The following FTCDNL1 variants were observed in gnomAD, a reference collection of about 807,000 sequenced individuals.
FTCDNL1 encodes the protein formiminotransferase cyclodeaminase N-terminal like, also known as formiminotransferase N-terminal subdomain-containing protein.
A neutral mutation model predicts 5.9 loss-of-function variants in FTCDNL1; 11 were observed. That is an observed-to-expected ratio of 1.87 (90% CI 1.18 to 3.10). The LOEUF is 3.10. Ranked by LOEUF, FTCDNL1 falls within the 30% of genes most tolerant of loss-of-function variation. FTCDNL1 has a pLI of 0.00. For synonymous variants in FTCDNL1, 58 were observed against 24.8 expected (o/e 2.34, Z -3.99); for missense variants, 115 against 65.5 (o/e 1.76, Z -2.61).
At chr2:199,737,982 T>G in the FTCDNL1 span, among the ~76,000 whole-genome samples, 2 of 152,230 alleles carry the variant, frequency 1.3e-5, no homozygotes, top group Non-Finnish European at 2.9e-5. Context: ...TGACCACAGC[T>G]GCCTCACGGC....
chr2:199,801,877 G>A (rs1307772380), intron 3 of FTCDNL1, among the ~76,000 whole-genome samples: 1 of 151,156 alleles, frequency 6.6e-6, no homozygotes, highest in Non-Finnish European at 1.5e-5. Context: ...GGCGGAGCTT[G>A]CAGTGAGCCG....
At chr2:199,705,776 C>A in the FTCDNL1 span, among the ~76,000 whole-genome samples, 1 of 152,112 alleles carries the variant, frequency 6.6e-6, no homozygotes, top group Non-Finnish European at 1.5e-5. Flanking sequence ...GAAGCAGATG[C>A]CAAGATGAGA....
At chr2:199,720,145 A>C in the FTCDNL1 span, among the ~76,000 whole-genome samples, 5 of 152,318 alleles carry the variant, frequency 3.3e-5, no homozygotes, top group African/African-American at 1.2e-4. Flanking sequence ...TTTTCTAGGC[A>C]TATGATCATA....
At chr2:199,829,564 A>T (rs1338408093) in intron 3 of FTCDNL1, among the ~76,000 whole-genome samples, 1 of 152,208 alleles carries the variant, frequency 6.6e-6, no homozygotes, top group African/African-American at 2.4e-5. Flanking sequence ...AATTGTGGCT[A>T]AAATGTAGTA....
chr2:199,844,516 A>G (rs1459628932), intron 3 of FTCDNL1: 7 of 632,466 alleles, frequency 1.1e-5, no homozygotes, highest in African/African-American at 1.8e-5. Context: ...CTAGGCAGGC[A>G]GCCAGAACAG....
At chr2:199,847,958 T>A (rs182206951) in intron 2 of FTCDNL1, among the ~76,000 whole-genome samples, 1 of 152,208 alleles carries the variant, frequency 6.6e-6, no homozygotes, top group Non-Finnish European at 1.5e-5. Context: ...ACAGTTAAGA[T>A]GGGTTGGGGG....
chr2:199,822,050 T>C (rs939590519), intron 3 of FTCDNL1, among the ~76,000 whole-genome samples: 1 of 152,210 alleles, frequency 6.6e-6, no homozygotes. Flanking sequence ...TATACTGTAA[T>C]CTCTTAAGTG....
Position 199,831,980 on chromosome 2 carries a change from T to C in FTCDNL1, c.212-12223A>G, listed in dbSNP as rs1702401395. ...AGAAAAATAATGTGCCCTCAAACTCTTAAAATAACATACAATTTCATGGAG... is the reference window on the plus strand; with the variant it reads ...AGAAAAATAATGTGCCCTCAAACTCCTAAAATAACATACAATTTCATGGAG... On this transcript the variant is annotated intron_variant, in intron 3 of 4. Coordinates refer to ENST00000420128, the MANE Select transcript of FTCDNL1 (RefSeq NM_001363886.2). Among the ~76,000 whole-genome samples the C allele has an allele frequency of 2.6e-5, 4 of 152,128 alleles. No homozygotes were observed. The South Asian group carries it at 8.3e-4, about 31-fold the overall frequency.
chr2:199,811,008 C>T lies in FTCDNL1; in HGVS notation c.*1697G>A, dbSNP rs946914716. 3.3e-5 allele frequency among the ~76,000 whole-genome samples: 5 copies of T among 152,134 alleles called. No homozygotes were observed. Among genetic ancestry groups the T allele is most frequent in the Non-Finnish European group, 5.9e-5 (4 of 68,022 alleles). On this transcript the variant is annotated 3_prime_UTR_variant, in exon 5 of 5. Coordinates refer to ENST00000420128, the MANE Select transcript of FTCDNL1 (RefSeq NM_001363886.2). ...AGATGTTTTACAGAAAATCAGCACA[C>T]GGAAACCACATTTCATCTTTTTCCC... is the stretch of plus-strand genomic sequence containing the variant.
At chr2:199,806,881 T>C (rs1288140399), downstream of FTCDNL1, among the ~76,000 whole-genome samples, 2 of 152,220 alleles carry the variant, frequency 1.3e-5, no homozygotes, top group Non-Finnish European at 2.9e-5. Context: ...ACAAAGGGGC[T>C]GATAGAAAGT....
chr2:199,680,115 TA>T, the FTCDNL1 span, among the ~76,000 whole-genome samples: 5 of 152,154 alleles, frequency 3.3e-5, no homozygotes, highest in South Asian at 1.0e-3. Context: ...AGATGACATT[TA>T]ACAATGAAGC....
the FTCDNL1 span, among the ~76,000 whole-genome samples, chr2:199,752,740 CTGTG>C: frequency 0.01 from 322 of 30,674 alleles, 1 homozygote; most frequent in South Asian, 0.058. Context: ...CTCTCTCTCT[CTGTG>C]TGTGTGTGTG....
chr2:199,773,954 G>T (rs1698936764), intron 3 of FTCDNL1, among the ~76,000 whole-genome samples: 1 of 152,198 alleles, frequency 6.6e-6, no homozygotes, highest in Non-Finnish European at 1.5e-5. Flanking sequence ...TCTCAGTGAT[G>T]CTGGTCCCTG....
chr2:199,788,481 T>C (rs1192634262), intron 3 of FTCDNL1, among the ~76,000 whole-genome samples: 1 of 152,062 alleles, frequency 6.6e-6, no homozygotes, highest in East Asian at 1.9e-4. Flanking sequence ...CTGAAGTAAA[T>C]CCCGAGAATA....
chr2:199,685,773 G>A, the FTCDNL1 span, among the ~76,000 whole-genome samples: 6 of 152,154 alleles, frequency 3.9e-5, no homozygotes, highest in Non-Finnish European at 7.4e-5. Flanking sequence ...CCCCACAAAT[G>A]TGAAAGTGAC....
chr2:199,762,713 A>T lies in FTCDNL1; in HGVS notation c.212-1878T>A, dbSNP rs114863114. Reference sequence around the variant, plus strand: ...TCTGACTTTCAGGTGCCTTATCTGTACAACGGCAATAAGAAACTAATCTGC... The same window carrying T: ...TCTGACTTTCAGGTGCCTTATCTGTTCAACGGCAATAAGAAACTAATCTGC... On this transcript the variant is annotated intron_variant, in intron 3 of 3. Transcript: ENST00000416668. 5.1e-3 allele frequency among the ~76,000 whole-genome samples: 776 copies of T among 152,314 alleles called. 5 individuals carry two copies. Among genetic ancestry groups the T allele is most frequent in the African/African-American group, 0.016 (684 of 41,552 alleles).
the FTCDNL1 span, among the ~76,000 whole-genome samples, chr2:199,750,585 C>T: frequency 6.6e-6 from 1 of 152,120 alleles, no homozygotes; most frequent in Non-Finnish European, 1.5e-5. Context: ...AATATTGATG[C>T]TCTGCAGCTT....
the FTCDNL1 span, among the ~76,000 whole-genome samples, chr2:199,749,183 C>A: frequency 6.6e-6 from 1 of 152,186 alleles, no homozygotes; most frequent in South Asian, 2.1e-4. Context: ...GGGCACATAC[C>A]TGGCCCTTCT....
the FTCDNL1 span, among the ~76,000 whole-genome samples, chr2:199,699,151 C>T: frequency 6.6e-6 from 1 of 152,054 alleles, no homozygotes; most frequent in African/African-American, 2.4e-5. Context: ...GAGCCCAGGA[C>T]CCAATGGATT....
Sources: gnomAD v4.1 joint callset for allele counts (sites outside exome capture counted in the v4.1 genomes callset) on GRCh38, gnomAD v4.1.1 for gene constraint, MANE v1.5 for transcripts, NCBI Gene and HGNC (gene_info 2026-07-23, HGNC 2026-07-21) for gene names.